PBX3: variants seen among roughly 807,000 people sequenced by gnomAD.
PBX3 encodes PBX homeobox 3.
In PBX3, 14 loss-of-function variants were observed where a neutral mutation model predicts 48.5. The ratio of observed to expected loss-of-function variants is 0.29; its 90% CI spans 0.19 to 0.45. The LOEUF (loss-of-function observed/expected upper bound fraction) is 0.45. PBX3 is among the 20% of genes least tolerant of loss of function. PBX3 has a pLI of 1.00. For missense variants in PBX3, 386 were observed against 546.7 expected (o/e 0.71, Z 2.93); for synonymous variants, 210 against 200.3 (o/e 1.05, Z -0.41).
chr9:125,951,491 C>T (rs1437757452), intron 5 of PBX3, among the ~76,000 whole-genome samples: 1 of 152,118 alleles, frequency 6.6e-6, no homozygotes, highest in Non-Finnish European at 1.5e-5. Context: ...AAAAGGGGTC[C>T]TGACCTTAGG....
chr9:125,820,680 TG>T (rs1384216796), intron 2 of PBX3, among the ~76,000 whole-genome samples: 1 of 152,236 alleles, frequency 6.6e-6, no homozygotes, highest in African/African-American at 2.4e-5. Context: ...CTGATTTGCC[TG>T]ATACGAAGCA....
intron 3 of PBX3, among the ~76,000 whole-genome samples, chr9:125,924,612 C>T (rs1044407551): frequency 6.6e-6 from 1 of 152,158 alleles, no homozygotes; most frequent in Non-Finnish European, 1.5e-5. Flanking sequence ...GCTTTTGTAA[C>T]ATCATGCGTT....
At chr9:125,929,624 C>G (rs1841669997) in intron 3 of PBX3, 31 bp from the exon 4 acceptor site, 3 of 1,521,578 alleles carry the variant, frequency 2.0e-6, no homozygotes, top group South Asian at 2.4e-5. Context: ...TAGATAGTTT[C>G]CAAAGGAGTG....
chr9:125,938,910 G>T (rs1588318104), intron 5 of PBX3, among the ~76,000 whole-genome samples: 1 of 152,116 alleles, frequency 6.6e-6, no homozygotes. Flanking sequence ...ACTGACTTAG[G>T]GGTAAAGGAC....
chr9:125,893,019 C>G (rs1214509176), intron 2 of PBX3, among the ~76,000 whole-genome samples: 1 of 152,178 alleles, frequency 6.6e-6, no homozygotes, highest in Non-Finnish European at 1.5e-5. Context: ...TACTACACTA[C>G]AATACATTAA....
chr9:125,959,710 G>A (rs1842386556), intron 5 of PBX3, among the ~76,000 whole-genome samples: 1 of 152,186 alleles, frequency 6.6e-6, no homozygotes, highest in Non-Finnish European at 1.5e-5. Flanking sequence ...CACCCAGCCT[G>A]ATATCACAGC....
Position 125,938,440 on chromosome 9 carries a change from C to T in PBX3, c.843+2833C>T, listed in dbSNP as rs145486172. On this transcript the variant is annotated intron_variant, in intron 5 of 8. Coordinates refer to ENST00000373489, the MANE Select transcript of PBX3 (RefSeq NM_006195.6). ...TGAAGAACATGGTCTTAAAGTGTCT[C>T]TCCATAGACCATTTAAAGTTACAAG... Among the ~76,000 whole-genome samples the T allele has an allele frequency of 6.2e-4, 94 of 152,170 alleles. 2 individuals are homozygous for T. The East Asian group carries it at 0.014, about 22-fold the overall frequency.
chr9:125,869,938 A>G (rs899149812), intron 2 of PBX3, among the ~76,000 whole-genome samples: 1 of 152,098 alleles, frequency 6.6e-6, no homozygotes, highest in African/African-American at 2.4e-5. Flanking sequence ...CATACCTGAG[A>G]CTGAGTAATT....
chr9:125,826,076 T>G (rs903669184), intron 2 of PBX3, among the ~76,000 whole-genome samples: 6 of 152,172 alleles, frequency 3.9e-5, no homozygotes, highest in African/African-American at 1.4e-4. Context: ...TTCCAGAAGT[T>G]AGGATAGAAC....
chr9:125,812,420 C>T (rs1838317962), intron 2 of PBX3, among the ~76,000 whole-genome samples: 1 of 152,170 alleles, frequency 6.6e-6, no homozygotes, highest in South Asian at 2.1e-4. Context: ...TGGATGTAGT[C>T]TGCTTATTTG....
rs1837679557 is a variant in PBX3, at chr9:125,793,381, A to ATATATG, written c.274+44763_274+44764insGTATAT. Among the ~76,000 whole-genome samples the ATATATG allele has an allele frequency of 2.8e-5, 4 of 142,806 alleles. No individual in the cohort carries two copies. In the South Asian group the frequency reaches 8.7e-4, roughly 31 times the overall value. The allele number at this position is 142,806 out of a possible 152,430, so 93.7% of individuals were successfully genotyped here. A position where few individuals can be genotyped will look rare whatever the true frequency, so the allele number is the denominator to read the frequency against. On this transcript the variant is annotated intron_variant, in intron 2 of 8. Transcript: ENST00000373489. ...GGAAAAAAAAAATATATATATATAT[A>ATATATG]TATATATATATTTACTATTAAGTGG...
At chr9:125,904,415 T>G (rs535708529) in intron 2 of PBX3, among the ~76,000 whole-genome samples, 1 of 152,034 alleles carries the variant, frequency 6.6e-6, no homozygotes, top group Non-Finnish European at 1.5e-5. Context: ...AGCCCCAGTG[T>G]CCTCTTGTAA....
chr9:125,793,639 A>C (rs1299339631), intron 2 of PBX3, among the ~76,000 whole-genome samples: 2 of 151,790 alleles, frequency 1.3e-5, no homozygotes, highest in Admixed American at 1.3e-4. Flanking sequence ...CATTTTGGCC[A>C]GACTGGTCTT....
At chr9:125,961,244 TGCTGGAGGGAAGTGCAGCA>T (rs1452424924) in intron 6 of PBX3, among the ~76,000 whole-genome samples, 1 of 152,242 alleles carries the variant, frequency 6.6e-6, no homozygotes, top group Admixed American at 6.5e-5. Context: ...GAAGCTGGAA[TGCTGGAGGGAAGTGCAGCA>T]GTGCTTTCTG....
chr9:125,842,407 T>A (rs1839312484), intron 2 of PBX3, among the ~76,000 whole-genome samples: 1 of 152,186 alleles, frequency 6.6e-6, no homozygotes, highest in Non-Finnish European at 1.5e-5. Flanking sequence ...CATAAAAGAA[T>A]TCACCCCTTT....
intron 5 of PBX3, among the ~76,000 whole-genome samples, chr9:125,946,980 A>G (rs1427775228): frequency 6.6e-6 from 1 of 152,146 alleles, no homozygotes; most frequent in East Asian, 1.9e-4. Flanking sequence ...TTCAATGACC[A>G]CTGATTTCTT....
intron 5 of PBX3, among the ~76,000 whole-genome samples, chr9:125,956,750 A>T (rs771344792): frequency 1.4e-4 from 21 of 152,338 alleles, no homozygotes; most frequent in Admixed American, 3.3e-4. Context: ...TGAATCCTTG[A>T]TATGCGGCTC....
intron 2 of PBX3, among the ~76,000 whole-genome samples, chr9:125,879,974 C>A (rs977795834): frequency 6.6e-6 from 1 of 152,132 alleles, no homozygotes; most frequent in African/African-American, 2.4e-5. Flanking sequence ...TACATAAAAG[C>A]TCTTTGTAAG....
intron 2 of PBX3, among the ~76,000 whole-genome samples, chr9:125,880,318 C>T (rs1275585703): frequency 6.6e-6 from 1 of 152,252 alleles, no homozygotes; most frequent in Non-Finnish European, 1.5e-5. Context: ...GTTGGGATTA[C>T]AGGCGTGAGC....
Sources: allele counts gnomAD v4.1 joint callset (sites outside exome capture counted in the v4.1 genomes callset), GRCh38; gene constraint gnomAD v4.1.1; transcripts MANE v1.5; gene names NCBI Gene and HGNC (gene_info 2026-07-23, HGNC 2026-07-21).